Variants in XYLT1 observed in about 807,000 individuals in gnomAD.
XYLT1 encodes the protein xylosyltransferase 1.
Under a neutral mutation model 91.3 loss-of-function variants are expected in XYLT1, and 36 were observed. The observed-to-expected ratio is 0.39, with a 90% CI of 0.30 to 0.52. XYLT1 has a LOEUF of 0.52. Among genes scored for constraint, XYLT1 ranks in the 20% least tolerant of loss-of-function variants. The pLI is 0.68. For missense variants in XYLT1, 1,242 were observed against 1,284.5 expected, an observed-to-expected ratio of 0.97 and a Z score of 0.51; for synonymous variants, 588 against 532.0, an observed-to-expected ratio of 1.11 and a Z score of -1.45.
intron 1 of XYLT1, among the ~76,000 whole-genome samples, chr16:17,469,255 A>G (rs2036944888): frequency 6.6e-6 from 1 of 152,232 alleles, no homozygotes; most frequent in African/African-American, 2.4e-5. Flanking sequence ...AAATGATAGA[A>G]ATATGCATTC....
chr16:17,216,528 C>T (rs983179658), intron 3 of XYLT1, among the ~76,000 whole-genome samples: 9 of 152,170 alleles, frequency 5.9e-5, no homozygotes, highest in Admixed American at 2.6e-4. Context: ...TTCTCCAAAT[C>T]GTTTCCCATT....
intron 11 of XYLT1, 39 bp from the exon 12 acceptor site, chr16:17,109,056 C>T: frequency 6.7e-7 from 1 of 1,485,784 alleles, no homozygotes; most frequent in South Asian, 1.4e-5. Flanking sequence ...TCAGAAGAGC[C>T]ACCAATAGGA....
chr16:17,460,172 G>A (rs1031799810), intron 1 of XYLT1, among the ~76,000 whole-genome samples: 9 of 152,170 alleles, frequency 5.9e-5, no homozygotes, highest in African/African-American at 2.2e-4. Flanking sequence ...GCTCAGGAAT[G>A]TTCTACTTTT....
chr16:17,379,755 TCTCTCTCTCA>T (rs1194053500), intron 1 of XYLT1, among the ~76,000 whole-genome samples: 349 of 130,386 alleles, frequency 2.7e-3, no homozygotes, highest in African/African-American at 5.3e-3. Flanking sequence ...TCTCTCTCTC[TCTCTCTCTCA>T]CACACACACA....
At chr16:17,261,914 C>T (rs1485216095) in intron 2 of XYLT1, among the ~76,000 whole-genome samples, 5 of 151,166 alleles carry the variant, frequency 3.3e-5, no homozygotes, top group African/African-American at 1.2e-4. Context: ...CTTTCTTATT[C>T]TCCACAGATA....
At chr16:17,263,355 A>G (rs1353356415) in intron 2 of XYLT1, among the ~76,000 whole-genome samples, 2 of 152,086 alleles carry the variant, frequency 1.3e-5, no homozygotes, top group Non-Finnish European at 2.9e-5. Context: ...AATATCAGGA[A>G]GAGGCACCAC....
chr16:17,441,365 G>A (rs2141941612), intron 1 of XYLT1, among the ~76,000 whole-genome samples: 1 of 152,196 alleles, frequency 6.6e-6, no homozygotes, highest in South Asian at 2.1e-4. Flanking sequence ...TGAATTAGTT[G>A]TTAATATTTA....
intron 3 of XYLT1, among the ~76,000 whole-genome samples, chr16:17,224,476 A>T (rs966543866): frequency 6.6e-6 from 1 of 152,206 alleles, no homozygotes; most frequent in African/African-American, 2.4e-5. Flanking sequence ...TCTGTGCAAA[A>T]GATTACTCAG....
chr16:17,345,023 T>C (rs1282512959), intron 2 of XYLT1, among the ~76,000 whole-genome samples: 1 of 152,174 alleles, frequency 6.6e-6, no homozygotes, highest in Admixed American at 6.5e-5. Flanking sequence ...GCAAGTCCAC[T>C]ACCTGGCCAT....
In XYLT1 at chr16:17,417,960, C is replaced by T. The variant is rs1361665023; in HGVS notation, c.363+52474G>A. ...CCAACAGCTCCAGCTGAGCTCCCCC[C>T]AACAACCCTCACCAACTGCCAGGCA... is the stretch of plus-strand genomic sequence containing the variant. On this transcript the variant is annotated intron_variant, in intron 1 of 11. Coordinates refer to ENST00000261381, the MANE Select transcript of XYLT1 (RefSeq NM_022166.4). 5.9e-5 allele frequency among the ~76,000 whole-genome samples: 9 copies of T among 152,328 alleles called. 1 individual carries two copies. Among genetic ancestry groups the T allele is most frequent in the African/African-American group, 2.2e-4 (9 of 41,578 alleles).
At chr16:17,398,813 T>A (rs1212320783) in intron 1 of XYLT1, among the ~76,000 whole-genome samples, 1 of 61,082 alleles carries the variant, frequency 1.6e-5, no homozygotes, top group African/African-American at 8.0e-5. Context: ...TGTCCAAATG[T>A]CCCCGCCCCC....
At chr16:17,441,645 T>A (rs1281695169) in intron 1 of XYLT1, among the ~76,000 whole-genome samples, 3 of 152,206 alleles carry the variant, frequency 2.0e-5, no homozygotes, top group Non-Finnish European at 4.4e-5. Flanking sequence ...AAATTTCAAA[T>A]TCTTGGATGA....
At chr16:17,374,290 C>A (rs2141877257) in intron 1 of XYLT1, among the ~76,000 whole-genome samples, 1 of 152,172 alleles carries the variant, frequency 6.6e-6, no homozygotes, top group Non-Finnish European at 1.5e-5. Flanking sequence ...GGTGTAGGGG[C>A]CACCAGGTCA....
At chr16:17,200,940 C>T (rs2032529277) in intron 3 of XYLT1, among the ~76,000 whole-genome samples, 1 of 152,110 alleles carries the variant, frequency 6.6e-6, no homozygotes, top group Non-Finnish European at 1.5e-5. Context: ...CTGAACAAGG[C>T]AGGAGGAGGT....
At chr16:17,368,126 G>A (rs758675204) in intron 1 of XYLT1, among the ~76,000 whole-genome samples, 10 of 152,134 alleles carry the variant, frequency 6.6e-5, no homozygotes, top group South Asian at 2.1e-4. Flanking sequence ...CAGAACTGCC[G>A]ACACAAACCA....
intron 2 of XYLT1, among the ~76,000 whole-genome samples, chr16:17,263,865 C>T (rs898362315): frequency 1.3e-5 from 2 of 152,032 alleles, no homozygotes; most frequent in African/African-American, 4.8e-5. Flanking sequence ...TGTGCTACCA[C>T]GCCCGGCTAA....
chr16:17,266,914 AC>A (rs2033814688), intron 2 of XYLT1, among the ~76,000 whole-genome samples: 1 of 152,170 alleles, frequency 6.6e-6, no homozygotes, highest in Admixed American at 6.5e-5. Flanking sequence ...ACATGCAATT[AC>A]CCAGGCTGCC....
At chr16:17,328,542 CCTT>C (rs1247177003) in intron 2 of XYLT1, among the ~76,000 whole-genome samples, 1 of 73,058 alleles carries the variant, frequency 1.4e-5, no homozygotes, top group Non-Finnish European at 2.8e-5. Flanking sequence ...GAGCAAGACT[CCTT>C]CTCAAAAAAA....
chr16:17,343,554 T>G (rs1333414533), intron 2 of XYLT1, among the ~76,000 whole-genome samples: 1 of 152,148 alleles, frequency 6.6e-6, no homozygotes, highest in Non-Finnish European at 1.5e-5. Flanking sequence ...CACTGCAACC[T>G]CCATCTCCTG....
Sources: gnomAD v4.1 joint callset for allele counts (sites outside exome capture counted in the v4.1 genomes callset) on GRCh38, gnomAD v4.1.1 for gene constraint, MANE v1.5 for transcripts, NCBI Gene and HGNC (gene_info 2026-07-23, HGNC 2026-07-21) for gene names.